Variants in CAPN5 observed in about 807,000 individuals in gnomAD.
CAPN5 encodes calpain 5, also known as calpain-5.
CAPN5 carries 54 observed loss-of-function variants against 73.0 expected under a neutral mutation model. That is an observed-to-expected ratio of 0.74 (90% CI 0.59 to 0.93). CAPN5 has a LOEUF of 0.93. Among genes scored for constraint, CAPN5 ranks in the 40% least tolerant of loss-of-function variants. CAPN5 has a pLI of 0.00. For missense variants in CAPN5, 785 were observed against 882.9 expected (o/e 0.89, Z 1.41); for synonymous variants, 335 against 356.9 (o/e 0.94, Z 0.69).
chr11:77,117,394 G>T (rs1296269085), intron 7 of CAPN5, among the ~76,000 whole-genome samples: 1 of 152,186 alleles, frequency 6.6e-6, no homozygotes. Flanking sequence ...TCCTGTGTGT[G>T]CTGGATTCTG....
At chr11:77,104,873 G>A (rs1428300535) in intron 3 of CAPN5, among the ~76,000 whole-genome samples, 1 of 152,222 alleles carries the variant, frequency 6.6e-6, no homozygotes, top group African/African-American at 2.4e-5. Flanking sequence ...GCCCCACCTC[G>A]GAGGTGTGCA....
chr11:77,114,396 G>A lies in CAPN5; in HGVS notation c.661G>A (p.Val221Met). The A allele has an allele frequency of 6.2e-7, 1 of 1,614,198 alleles. No homozygotes were observed. Among genetic ancestry groups the A allele is most frequent in the East Asian group, 2.2e-5 (1 of 44,888 alleles). The stretch of plus-strand genomic sequence containing the variant: ...CCAGCTCTTTGAGCGCATGTTAAAG[G>A]TGCACAGCCGGGGCGGCCTCATCAG... ...RNQLFERMLK[V>M]HSRGGLISAS... Residue 221 changes from valine to methionine, a missense_variant, in exon 5 of 13, where the codon GTG becomes ATG. Transcript: ENST00000648180.
chr11:77,116,910 T>G (rs1950473894), intron 7 of CAPN5, among the ~76,000 whole-genome samples: 1 of 152,142 alleles, frequency 6.6e-6, no homozygotes, highest in Non-Finnish European at 1.5e-5. Flanking sequence ...GGTACATGGG[T>G]GAGCTGGGAA....
chr11:77,077,593 G>A (rs1012407465), intron 1 of CAPN5, among the ~76,000 whole-genome samples: 1 of 151,148 alleles, frequency 6.6e-6, no homozygotes, highest in South Asian at 2.1e-4. Flanking sequence ...GCGGTGGCGC[G>A]ATCTCGGCTC....
chr11:77,119,194 GGGAGCTGGAGTTT>G, intron 9 of CAPN5, 42 bp downstream of exon 9: 1 of 1,575,816 alleles, frequency 6.3e-7, no homozygotes, highest in South Asian at 1.2e-5. Context: ...GGGAGAGGGA[GGGAGCTGGAGTTT>G]GGACTGCCCA....
rs1555042697 is a variant in CAPN5, at chr11:77,120,825, A to G, written c.1403A>G (p.Tyr468Cys). ...CGCACCGACCAGCCCGAGGGCCGCT[A>G]TGTCATCATCCCCACAACCTTCGAG... ...FLRTDQPEGR[Y>C]VIIPTTFEPG... The change falls in exon 10 of 13, where the codon TAT (tyrosine) becomes TGT (cysteine). Residue 468 changes from tyrosine (Y) to cysteine (C), a missense_variant. By Grantham distance (194) the Tyr-to-Cys change is radical. Transcript: ENST00000648180. 2 of 1,614,024 alleles carry G rather than the reference A, an allele frequency of 1.2e-6. No homozygotes were observed. The highest frequency in any genetic ancestry group is 1.3e-5 in the African/African-American group (1 of 74,930).
intron 3 of CAPN5, among the ~76,000 whole-genome samples, chr11:77,101,252 C>G (rs1365035304): frequency 1.3e-5 from 2 of 152,234 alleles, no homozygotes; most frequent in South Asian, 2.1e-4. Context: ...ACTTCCTACC[C>G]TCTCAGGACT....
chr11:77,072,807 G>C (rs1474190081), intron 1 of CAPN5, among the ~76,000 whole-genome samples: 1 of 152,202 alleles, frequency 6.6e-6, no homozygotes, highest in Admixed American at 6.5e-5. Context: ...GCCTGTACAG[G>C]AAGTGGAGAA....
chr11:77,122,989 C>G (rs1555043182), intron 12 of CAPN5, among the ~76,000 whole-genome samples: 2 of 152,268 alleles, frequency 1.3e-5, no homozygotes, highest in African/African-American at 4.8e-5. Context: ...TGACCTCACC[C>G]TCAGCTTTGG....
At chr11:77,106,685 T>C (rs1178535928) in intron 3 of CAPN5, among the ~76,000 whole-genome samples, 1 of 152,136 alleles carries the variant, frequency 6.6e-6, no homozygotes, top group Non-Finnish European at 1.5e-5. Context: ...ACAGTCACCC[T>C]CCCTCCCTGA....
intron 7 of CAPN5, among the ~76,000 whole-genome samples, chr11:77,116,608 A>G (rs1950471206): frequency 1.3e-5 from 2 of 152,126 alleles, no homozygotes; most frequent in African/African-American, 4.8e-5. Context: ...AGGTGGGCCC[A>G]CCAGGATCTC....
At chr11:77,074,071 C>G (rs1201614773) in intron 1 of CAPN5, among the ~76,000 whole-genome samples, 1 of 152,234 alleles carries the variant, frequency 6.6e-6, no homozygotes, top group Non-Finnish European at 1.5e-5. Context: ...TAGATGGTGA[C>G]TTAGGGAGCA....
At position 77,112,755 on chromosome 11, in the gene CAPN5, G is replaced by T. The variant is rs140079181; in HGVS notation, c.464G>T (p.Arg155Leu). The T allele has an allele frequency of 8.1e-6, 13 of 1,614,112 alleles. No homozygotes were observed. Among genetic ancestry groups the T allele is most frequent in the Non-Finnish European group, 1.1e-5 (13 of 1,180,050 alleles). Residue 155 changes from arginine to leucine, a missense_variant, in exon 4 of 13, where the codon CGC (arginine) becomes CTC (leucine). Arg to Leu is a moderately radical substitution (Grantham distance 102, BLOSUM62 -2). Coordinates refer to ENST00000648180, the MANE Select transcript of CAPN5 (RefSeq NM_004055.5). ...NQLIYCHSNS[R>L]NEFWCALVEK... is the part of the protein sequence containing the mutation. Reference sequence around the variant, plus strand: ...CTCATCTACTGCCACTCCAACTCCCGCAATGAGTTTTGGTGCGCCCTAGTG... The same window carrying T: ...CTCATCTACTGCCACTCCAACTCCCTCAATGAGTTTTGGTGCGCCCTAGTG...
chr11:77,114,009 T>C (rs1950439576), intron 4 of CAPN5, among the ~76,000 whole-genome samples: 1 of 152,058 alleles, frequency 6.6e-6, no homozygotes, highest in Non-Finnish European at 1.5e-5. Flanking sequence ...GCTTTTTTTT[T>C]TTTGGACAGC....
chr11:77,105,060 A>C (rs1449918487), intron 3 of CAPN5, among the ~76,000 whole-genome samples: 6 of 151,742 alleles, frequency 4.0e-5, no homozygotes, highest in African/African-American at 1.5e-4. Context: ...AACCGTGTGC[A>C]GTGGCCCTGC....
intron 1 of CAPN5, among the ~76,000 whole-genome samples, chr11:77,082,703 C>T (rs534681829): frequency 2.2e-4 from 33 of 152,304 alleles, no homozygotes; most frequent in African/African-American, 7.2e-4. Flanking sequence ...CGAGCTCTCC[C>T]TTTATGGCCT....
chr11:77,123,502 G>A (rs782773167), intron 12 of CAPN5, among the ~76,000 whole-genome samples, 186 bp from the exon 13 acceptor site: 7 of 152,142 alleles, frequency 4.6e-5, no homozygotes, highest in Non-Finnish European at 1.0e-4. Context: ...TAGCTGAGGA[G>A]CCTGAGGCTC....
At chr11:77,095,432 T>C (rs1390544370) in intron 3 of CAPN5, among the ~76,000 whole-genome samples, 1 of 152,196 alleles carries the variant, frequency 6.6e-6, no homozygotes, top group Non-Finnish European at 1.5e-5. Context: ...AATTGCCTGT[T>C]TATCTTTCAC....
chr11:77,086,393 C>A (rs372731977), intron 2 of CAPN5, among the ~76,000 whole-genome samples: 97 of 152,218 alleles, frequency 6.4e-4, no homozygotes, highest in Non-Finnish European at 1.1e-3. Context: ...CCTAGATCAC[C>A]CATGAGCTGC....
Sources: gnomAD v4.1 joint callset for allele counts (sites outside exome capture counted in the v4.1 genomes callset) on GRCh38, gnomAD v4.1.1 for gene constraint, MANE v1.5 for transcripts, NCBI Gene and HGNC (gene_info 2026-07-23, HGNC 2026-07-21) for gene names.